The following XPO4 variants were observed in gnomAD, a reference collection of about 807,000 sequenced individuals.
XPO4 encodes exportin-4.
A neutral mutation model predicts 143.0 loss-of-function variants in XPO4; 39 were observed. That is an observed-to-expected ratio of 0.27 (90% CI 0.21 to 0.36). The LOEUF is 0.36. XPO4 is among the 10% of genes least tolerant of loss of function. The pLI is 1.00. For missense variants in XPO4, 907 were observed against 1,348.0 expected, an observed-to-expected ratio of 0.67 and a Z score of 5.12; for synonymous variants, 439 against 474.0, an observed-to-expected ratio of 0.93 and a Z score of 0.96.
chr13:20,839,212 C>T (rs1297953010), intron 6 of XPO4, among the ~76,000 whole-genome samples: 4 of 152,110 alleles, frequency 2.6e-5, no homozygotes, highest in African/African-American at 7.2e-5. Flanking sequence ...TGCAGTGAGC[C>T]GAGATCGCGC....
At chr13:20,881,461 G>A (rs1430243452) in intron 1 of XPO4, among the ~76,000 whole-genome samples, 4 of 151,778 alleles carry the variant, frequency 2.6e-5, no homozygotes, top group Admixed American at 6.6e-5. Context: ...TAGTAGAGAC[G>A]GGGTTTCACT....
chr13:20,835,901 G>A lies in XPO4; in HGVS notation c.727+6994C>T, dbSNP rs76473212. On this transcript the variant is annotated intron_variant, in intron 6 of 22. Transcript: ENST00000255305. ...AGAAGACGAAGATGAAGACATTTAT[G>A]ATTGATCCACTTATACTTAATGAAC... Among the ~76,000 whole-genome samples, 506 of 152,176 alleles carry A rather than the reference G, an allele frequency of 3.3e-3. 4 individuals carry two copies. Among genetic ancestry groups the A allele is most frequent in the African/African-American group, 0.012 (486 of 41,502 alleles).
intron 6 of XPO4, among the ~76,000 whole-genome samples, chr13:20,830,452 G>C (rs1180444099): frequency 6.6e-6 from 1 of 152,024 alleles, no homozygotes; most frequent in Non-Finnish European, 1.5e-5. Context: ...CTACAACACT[G>C]CAGACTTCAC....
intron 3 of XPO4, among the ~76,000 whole-genome samples, chr13:20,857,478 A>T (rs1372733031): frequency 6.6e-6 from 1 of 152,196 alleles, no homozygotes; most frequent in African/African-American, 2.4e-5. Context: ...CTGTAATCCC[A>T]GCACTTTGGG....
intron 1 of XPO4, among the ~76,000 whole-genome samples, chr13:20,878,497 T>C (rs1167022155): frequency 6.6e-6 from 1 of 152,200 alleles, no homozygotes; most frequent in African/African-American, 2.4e-5. Flanking sequence ...ATAAAGCCAG[T>C]AAAAATTGAA....
intron 1 of XPO4, among the ~76,000 whole-genome samples, chr13:20,890,505 C>T (rs565988120): frequency 4.5e-4 from 68 of 151,068 alleles, no homozygotes; most frequent in African/African-American, 1.3e-3. Flanking sequence ...AGAAGAAATA[C>T]GCAAAGAGCA....
At chr13:20,796,720 CA>C (rs2059363231) in intron 17 of XPO4, 43 bp downstream of exon 17, 1 of 1,406,176 alleles carries the variant, frequency 7.1e-7, no homozygotes, top group Non-Finnish European at 9.4e-7. Flanking sequence ...ATTACAGCTT[CA>C]AAGAGTTTTA....
chr13:20,787,340 G>A, intron 21 of XPO4, 141 bp downstream of exon 21: 1 of 802,388 alleles, frequency 1.2e-6, no homozygotes, highest in South Asian at 1.7e-5. Context: ...CTGATCTCCA[G>A]AAAAAAACAG....
chr13:20,855,097 C>T (rs936027316), intron 4 of XPO4, among the ~76,000 whole-genome samples: 2 of 152,040 alleles, frequency 1.3e-5, no homozygotes, highest in African/African-American at 4.8e-5. Flanking sequence ...TTTATGGCAA[C>T]ATGGAAAATA....
chr13:20,807,561 C>G lies in XPO4; in HGVS notation c.1713G>C (p.Lys571Asn). 1 of 1,613,154 alleles carries G rather than the reference C, an allele frequency of 6.2e-7. No individual in the cohort carries two copies. The highest frequency in any genetic ancestry group is 8.5e-7 in the Non-Finnish European group (1 of 1,179,530). The change falls in exon 13 of 23, where the codon AAG becomes AAC. Residue 571 changes from lysine (K) to asparagine (N), a missense_variant. Coordinates refer to ENST00000255305, the MANE Select transcript of XPO4 (RefSeq NM_022459.5). ...TATTAATGTCAACTTCAGATGAATG[C>G]TTAATGGAATATTCCATTATTTCTG... is the stretch of plus-strand genomic sequence containing the variant. ...IPPEIMEYSI[K>N]HSSEVDINTT...
At chr13:20,886,690 T>C (rs189238357) in intron 1 of XPO4, among the ~76,000 whole-genome samples, 137 of 151,992 alleles carry the variant, frequency 9.0e-4, no homozygotes, top group African/African-American at 3.1e-3. Context: ...ACTAATAAAA[T>C]TGGAGAGGAA....
chr13:20,796,654 T>G, intron 17 of XPO4, 110 bp downstream of exon 17: 1 of 881,188 alleles, frequency 1.1e-6, no homozygotes, highest in Non-Finnish European at 1.5e-6. Flanking sequence ...TTTGAAGGAA[T>G]AAAAATATTA....
chr13:20,875,600 C>T (rs940509969), intron 1 of XPO4, among the ~76,000 whole-genome samples: 3 of 152,182 alleles, frequency 2.0e-5, no homozygotes, highest in Non-Finnish European at 4.4e-5. Context: ...CATAAAGCCT[C>T]GGTTCCTTCT....
chr13:20,799,196 T>C lies in XPO4; in HGVS notation c.2291A>G (p.Asp764Gly). The C allele has an allele frequency of 1.9e-6, 3 of 1,611,766 alleles. No individual in the cohort carries two copies. Among genetic ancestry groups the C allele is most frequent in the Non-Finnish European group, 2.5e-6 (3 of 1,178,342 alleles). Residue 764 changes from aspartate (D) to glycine (G), a missense_variant, in exon 16 of 23, where the codon GAC becomes GGC. Transcript: ENST00000255305. ...ALVLGGFAHMDTETKQQYWTE... is the reference protein window; with the variant it reads ...ALVLGGFAHMGTETKQQYWTE... ...CCAATACTGCTGTTTGGTTTCTGTGTCCATATGTGCAAAACCTCCTAAGAC... is the reference window on the plus strand; with the variant it reads ...CCAATACTGCTGTTTGGTTTCTGTGCCCATATGTGCAAAACCTCCTAAGAC...
intron 21 of XPO4, among the ~76,000 whole-genome samples, chr13:20,787,277 C>T (rs535068334): frequency 2.4e-4 from 36 of 152,284 alleles, no homozygotes; most frequent in African/African-American, 7.5e-4. Context: ...ATGTGTACCA[C>T]ATCAATTTCC....
chr13:20,860,924 AT>A (rs68131843), intron 3 of XPO4, among the ~76,000 whole-genome samples: 13,632 of 146,606 alleles, frequency 0.093, 736 homozygotes, highest in Non-Finnish European at 0.13. Context: ...TCTCTCCTGT[AT>A]TTTTTTTTTT....
chr13:20,872,508 T>C (rs1487312610), intron 1 of XPO4, among the ~76,000 whole-genome samples: 1 of 152,162 alleles, frequency 6.6e-6, no homozygotes, highest in African/African-American at 2.4e-5. Context: ...TAATAGCAAC[T>C]AACATTTATT....
intron 1 of XPO4, among the ~76,000 whole-genome samples, chr13:20,889,161 G>A (rs2060488610): frequency 7.9e-6 from 1 of 126,938 alleles, no homozygotes; most frequent in Admixed American, 7.5e-5. Flanking sequence ...CTAGACATGA[G>A]ACTGTTTAAG....
intron 11 of XPO4, 24 bp downstream of exon 11, chr13:20,809,059 G>T: frequency 4.4e-6 from 7 of 1,603,900 alleles, no homozygotes; most frequent in Non-Finnish European, 6.0e-6. Flanking sequence ...TTTGCTCCAT[G>T]GGGTTTCTTT....
Sources: gnomAD v4.1 joint callset for allele counts (sites outside exome capture counted in the v4.1 genomes callset) on GRCh38, gnomAD v4.1.1 for gene constraint, MANE v1.5 for transcripts, NCBI Gene and HGNC (gene_info 2026-07-23, HGNC 2026-07-21) for gene names.